The following MARCHF6 variants were observed in gnomAD, a reference collection of about 807,000 sequenced individuals.
MARCHF6 encodes the protein membrane associated ring-CH-type finger 6.
A neutral mutation model predicts 133.7 loss-of-function variants in MARCHF6; 31 were observed. The ratio of observed to expected loss-of-function variants is 0.23; its 90% confidence interval spans 0.17 to 0.31. MARCHF6 has a LOEUF of 0.31. Among genes scored for constraint, MARCHF6 ranks in the 10% least tolerant of loss-of-function variants. MARCHF6 has a pLI of 1.00. For synonymous variants in MARCHF6, 395 were observed against 402.5 expected, an observed-to-expected ratio of 0.98 and a Z score of 0.22; for missense variants, 723 against 1,121.6, an observed-to-expected ratio of 0.64 and a Z score of 5.08.
intron 25 of MARCHF6, among the ~76,000 whole-genome samples, chr5:10,433,151 A>G (rs527362171): frequency 6.6e-6 from 1 of 152,038 alleles, no homozygotes; most frequent in African/African-American, 2.4e-5. Context: ...CGGCCTCCCT[A>G]CGTGCTGGGA....
At chr5:10,411,310 T>G in intron 18 of MARCHF6, 23 bp from the exon 19 acceptor site, 1 of 1,594,936 alleles carries the variant, frequency 6.3e-7, no homozygotes, top group Middle Eastern at 1.7e-4. Context: ...GTGAGACTTG[T>G]TACTGATGTA....
intron 1 of MARCHF6, among the ~76,000 whole-genome samples, chr5:10,374,966 TGAA>T (rs1361329437): frequency 1.3e-5 from 2 of 152,184 alleles, no homozygotes; most frequent in Admixed American, 6.5e-5. Flanking sequence ...TTCTACTTGA[TGAA>T]GAGATTTTGA....
At position 10,394,029 on chromosome 5, in the gene MARCHF6, ATTAT is replaced by A. The variant is rs1738032420; in HGVS notation, c.767-47_767-44del. 6 of 1,089,394 alleles carry A rather than the reference ATTAT, an allele frequency of 5.5e-6. No individual in the cohort carries two copies. In the Admixed American group the frequency reaches 8.2e-5, roughly 15 times the overall value. The allele number at this position is 1,089,394 out of a possible 1,614,324, so 67.5% of individuals were successfully genotyped here. A position where few individuals can be genotyped will look rare whatever the true frequency, so the allele number is the denominator to read the frequency against. On this transcript the variant is annotated intron_variant, in intron 7 of 25. Transcript: ENST00000274140. ...ATTTTTAGTGCATTCTATTTTTTTT[ATTAT>A]TTATTATTTTTACTTCAAGTAATCT...
chr5:10,398,595 T>A (rs2126752177), intron 10 of MARCHF6, among the ~76,000 whole-genome samples: 1 of 152,234 alleles, frequency 6.6e-6, no homozygotes, highest in East Asian at 1.9e-4. Context: ...CATTTTTTTT[T>A]TTTGAGAGAA....
At position 10,403,440 on chromosome 5, in the gene MARCHF6, C is replaced by A; in HGVS notation, c.1231C>A (p.Leu411Met). The A allele has an allele frequency of 6.2e-7, 1 of 1,613,906 alleles. No homozygotes were observed. The highest frequency in any genetic ancestry group is 8.5e-7 in the Non-Finnish European group (1 of 1,179,848). ...TGATGCTACTCTGAAAGATCGAGAA[C>A]TGAGCTTTCAGTCGGCTCCAGGTAC... ...MFDATLKDRE[L>M]SFQSAPGTTM... The change falls in exon 15 of 26, where the codon CTG becomes ATG. Residue 411 changes from leucine (L) to methionine (M), a missense_variant. Leu to Met is a conservative substitution (Grantham distance 15). This residue lies in a region of MARCHF6 where 492 missense variants were observed against 699.5 expected (regional missense o/e 0.70). Coordinates refer to ENST00000274140, the MANE Select transcript of MARCHF6 (RefSeq NM_005885.4).
intron 8 of MARCHF6, 27 bp downstream of exon 8, chr5:10,394,170 TG>T: frequency 6.9e-7 from 1 of 1,455,892 alleles, no homozygotes; most frequent in Admixed American, 1.9e-5. Context: ...TCAAGTATCC[TG>T]GTGTTTTAAT....
intron 1 of MARCHF6, among the ~76,000 whole-genome samples, chr5:10,359,011 C>G (rs1267164580): frequency 1.3e-5 from 2 of 152,220 alleles, no homozygotes; most frequent in African/African-American, 2.4e-5. Context: ...TTGTGGCCAC[C>G]TTCCGTTGCT....
intron 1 of MARCHF6, among the ~76,000 whole-genome samples, chr5:10,354,262 T>C (rs1735303606): frequency 6.6e-6 from 1 of 152,114 alleles, no homozygotes; most frequent in Non-Finnish European, 1.5e-5. Context: ...CCGGGGGCGT[T>C]TTCCGCACCC....
chr5:10,406,997 C>A, intron 16 of MARCHF6, 105 bp from the exon 17 acceptor site: 1 of 541,620 alleles, frequency 1.8e-6, no homozygotes. Context: ...TTTGAGTAGA[C>A]ACAGGCCTGG....
At chr5:10,360,933 A>G (rs745669160) in intron 1 of MARCHF6, among the ~76,000 whole-genome samples, 49 of 152,308 alleles carry the variant, frequency 3.2e-4, no homozygotes, top group Non-Finnish European at 6.5e-4. Flanking sequence ...GGCCAGGCTT[A>G]CTTTAGTGGG....
chr5:10,378,512 G>C (rs1051570136), intron 2 of MARCHF6, among the ~76,000 whole-genome samples: 1 of 152,072 alleles, frequency 6.6e-6, no homozygotes, highest in Non-Finnish European at 1.5e-5. Context: ...TTTGCTTTGA[G>C]GAAATTACAG....
At chr5:10,431,983 A>T (rs1016464246) in intron 25 of MARCHF6, among the ~76,000 whole-genome samples, 1 of 152,258 alleles carries the variant, frequency 6.6e-6, no homozygotes, top group Non-Finnish European at 1.5e-5. Context: ...CAGTGGGGTA[A>T]GGAATGGCTA....
chr5:10,426,326 G>T, intron 23 of MARCHF6, 64 bp from the exon 24 acceptor site: 3 of 1,559,896 alleles, frequency 1.9e-6, no homozygotes, highest in Non-Finnish European at 2.6e-6. Flanking sequence ...TGTGGAGATT[G>T]CTGTATTAAC....
intron 11 of MARCHF6, 200 bp downstream of exon 11, chr5:10,401,042 G>A (rs1049902557): frequency 3.9e-6 from 2 of 512,298 alleles, no homozygotes; most frequent in East Asian, 6.4e-5. Context: ...TAATGAAAAT[G>A]TGCTCTGAAA....
intron 1 of MARCHF6, among the ~76,000 whole-genome samples, chr5:10,357,617 C>G (rs1400470819): frequency 6.6e-6 from 1 of 152,196 alleles, no homozygotes; most frequent in East Asian, 1.9e-4. Context: ...GCTAGTTCCT[C>G]TCTTTCTAGA....
chr5:10,358,931 TTAAAGA>T (rs1735648945), intron 1 of MARCHF6, among the ~76,000 whole-genome samples: 1 of 152,178 alleles, frequency 6.6e-6, no homozygotes. Flanking sequence ...GTAAAGAAAC[TTAAAGA>T]TACAGTATTA....
chr5:10,390,473 C>T lies in MARCHF6; in HGVS notation c.549C>T (p.Phe183=), dbSNP rs751637305. The T allele has an allele frequency of 6.2e-7, 1 of 1,613,988 alleles. No homozygotes were observed. Among genetic ancestry groups the T allele is most frequent in the South Asian group, 1.1e-5 (1 of 91,064 alleles). ...GGTTGGAGCATGCTGCCCCACCGTT[C>T]AATGCTGCGGGGCATCACCAAAATG... ...PIWLEHAAPP[F]NAAGHHQNEA... Residue 183 remains phenylalanine (F), a synonymous_variant, in exon 6 of 26, where the codon TTC becomes TTT. Coordinates refer to ENST00000274140, the MANE Select transcript of MARCHF6 (RefSeq NM_005885.4).
chr5:10,389,692 G>A (rs936329018), intron 5 of MARCHF6, among the ~76,000 whole-genome samples: 3 of 152,144 alleles, frequency 2.0e-5, no homozygotes, highest in African/African-American at 7.2e-5. Flanking sequence ...ATGAGCTACT[G>A]CACCTGGCCA....
intron 24 of MARCHF6, among the ~76,000 whole-genome samples, chr5:10,428,152 G>A (rs1035157299): frequency 1.6e-4 from 24 of 152,070 alleles, no homozygotes; most frequent in Non-Finnish European, 3.1e-4. Flanking sequence ...GGGAAACAGG[G>A]AACAGTTAAG....
Sources: gnomAD v4.1 joint callset for allele counts (sites outside exome capture counted in the v4.1 genomes callset) on GRCh38, gnomAD v4.1.1 for gene constraint, gnomAD v4.1.1 regional missense constraint, MANE v1.5 for transcripts, NCBI Gene and HGNC (gene_info 2026-07-23, HGNC 2026-07-21) for gene names.